The following MICAL3 variants were observed in gnomAD, a reference collection of about 807,000 sequenced individuals.
MICAL3 encodes [F-actin]-monooxygenase MICAL3.
A neutral mutation model predicts 207.4 loss-of-function variants in MICAL3; 62 were observed. That is an observed-to-expected ratio of 0.30 (90% confidence interval 0.24 to 0.37). The LOEUF is 0.37. Ranked by LOEUF, MICAL3 falls within the 10% of genes least tolerant of loss-of-function variation. The pLI is 1.00. For synonymous variants in MICAL3, 1,077 were observed against 1,069.3 expected, an observed-to-expected ratio of 1.01 and a Z score of -0.14; for missense variants, 2,368 against 2,635.6, an observed-to-expected ratio of 0.90 and a Z score of 2.22.
chr22:17,936,375 T>A (rs1462452080), intron 1 of MICAL3, among the ~76,000 whole-genome samples: 1 of 151,926 alleles, frequency 6.6e-6, no homozygotes, highest in Non-Finnish European at 1.5e-5. Flanking sequence ...AACTGAACAA[T>A]GAGACCACTT....
chr22:17,804,176 G>T (rs1259795969), intron 29 of MICAL3, among the ~76,000 whole-genome samples: 1 of 152,164 alleles, frequency 6.6e-6, no homozygotes, highest in Admixed American at 6.5e-5. Context: ...AGAGGCTTTG[G>T]CTTTGCTGGG....
chr22:18,002,140 G>T (rs1923074110), intron 1 of MICAL3, among the ~76,000 whole-genome samples: 1 of 151,832 alleles, frequency 6.6e-6, no homozygotes, highest in African/African-American at 2.4e-5. Context: ...GGAAGTTGCA[G>T]TGAGCCGAGA....
rs1602103520 is a variant in MICAL3 at position 17,871,931 on chromosome 22, A to C, written c.2334T>G (p.Ser778Arg). Residue 778 changes from serine to arginine, a missense_variant, in exon 17 of 32, where the codon AGT becomes AGG. By Grantham distance (110) the Ser-to-Arg change is moderately radical. This residue lies in a region of MICAL3 where 1,770 missense variants were observed against 1,863.2 expected (regional missense o/e 0.95). Transcript: ENST00000441493. ...QKRVYVMERL[S>R]AEGKFFHRSC... is the part of the protein sequence containing the mutation. Reference sequence around the variant, plus strand: ...TCCGGTGGAAGAACTTGCCCTCGGCACTCAGCCTCTCCATCACGTAGACCC... The same window carrying C: ...TCCGGTGGAAGAACTTGCCCTCGGCCCTCAGCCTCTCCATCACGTAGACCC... 1 of 1,611,182 alleles carries C rather than the reference A, an allele frequency of 6.2e-7. No homozygotes were observed. Among genetic ancestry groups the C allele is most frequent in the Non-Finnish European group, 8.5e-7 (1 of 1,178,922 alleles).
At chr22:17,881,412 C>G in intron 16 of MICAL3, 2 of 833,932 alleles carry the variant, frequency 2.4e-6, no homozygotes, top group African/African-American at 3.4e-5. Context: ...CCCAGGGAGG[C>G]CTTTCCTTGC....
At chr22:18,023,900 T>C (rs1445673339) in intron 1 of MICAL3, among the ~76,000 whole-genome samples, 2 of 151,926 alleles carry the variant, frequency 1.3e-5, no homozygotes, top group African/African-American at 4.8e-5. Flanking sequence ...CTGGCTGTCC[T>C]GACACCTGGC....
chr22:17,861,404 G>A (rs564762523), intron 19 of MICAL3: 165 of 985,418 alleles, frequency 1.7e-4, no homozygotes, highest in South Asian at 3.8e-4. Context: ...GCTTCTCCCC[G>A]TCCATCTCTG....
intron 1 of MICAL3, among the ~76,000 whole-genome samples, chr22:17,985,035 G>A (rs1337053482): frequency 1.3e-5 from 2 of 152,206 alleles, no homozygotes; most frequent in African/African-American, 4.8e-5. Context: ...ACGGAGGGAA[G>A]GAGACACACT....
At chr22:17,835,750 G>A (rs1191573741) in intron 20 of MICAL3, among the ~76,000 whole-genome samples, 1 of 152,208 alleles carries the variant, frequency 6.6e-6, no homozygotes, top group Non-Finnish European at 1.5e-5. Flanking sequence ...CTCCTCACAG[G>A]ATCTGTTTTG....
intron 27 of MICAL3, among the ~76,000 whole-genome samples, chr22:17,811,818 C>T (rs2062051223): frequency 6.6e-6 from 1 of 152,218 alleles, no homozygotes. Context: ...GATCATGGCT[C>T]ACTGCAGCTT....
chr22:17,914,050 G>C (rs1366404952), intron 1 of MICAL3, among the ~76,000 whole-genome samples: 1 of 152,204 alleles, frequency 6.6e-6, no homozygotes. Context: ...GCCAGGAACA[G>C]AGCAAGGACC....
intron 16 of MICAL3, chr22:17,875,283 C>A: frequency 2.3e-6 from 1 of 443,354 alleles, no homozygotes; most frequent in Non-Finnish European, 4.0e-6. Flanking sequence ...AGACCTCACA[C>A]ACGAGACCGA....
intron 1 of MICAL3, among the ~76,000 whole-genome samples, chr22:17,979,455 G>C (rs993535352): frequency 6.6e-6 from 1 of 152,158 alleles, no homozygotes; most frequent in African/African-American, 2.4e-5. Context: ...TGAGGCAGGA[G>C]AATCACTTGA....
At chr22:17,953,152 G>A (rs1934431437) in intron 1 of MICAL3, among the ~76,000 whole-genome samples, 2 of 152,218 alleles carry the variant, frequency 1.3e-5, no homozygotes, top group South Asian at 4.1e-4. Context: ...CGATCAGAGT[G>A]AGGCATCTCT....
intron 19 of MICAL3, among the ~76,000 whole-genome samples, chr22:17,858,785 T>C (rs1926201916): frequency 1.3e-5 from 2 of 152,228 alleles, no homozygotes; most frequent in Non-Finnish European, 2.9e-5. Context: ...CAGAATCACG[T>C]TGGGTGTCCC....
intron 19 of MICAL3, among the ~76,000 whole-genome samples, chr22:17,845,344 G>T (rs1301666281): frequency 6.6e-6 from 1 of 152,156 alleles, no homozygotes; most frequent in Non-Finnish European, 1.5e-5. Flanking sequence ...CGTGGGGAAC[G>T]CATACTGTCT....
intron 19 of MICAL3, among the ~76,000 whole-genome samples, chr22:17,848,104 A>G (rs750447389): frequency 4.6e-5 from 7 of 151,842 alleles, no homozygotes; most frequent in Non-Finnish European, 1.0e-4. Context: ...AGGAAGAGAA[A>G]TGTGAAGAAA....
rs1770146300 is a variant in MICAL3, at chr22:17,902,094, T to C, written c.590-115A>G. On this transcript the variant is annotated intron_variant, in intron 4 of 31. Coordinates refer to ENST00000441493, the MANE Select transcript of MICAL3 (RefSeq NM_015241.3). The surrounding 1 kb of genome is among the most constrained non-coding windows in gnomAD (Gnocchi z 4.5). Reference sequence around the variant, plus strand: ...ACAAAACCCTGGGCCAAAAACACTATGTGTAGAAGCAGTGGAGACAGAGGC... The same window carrying C: ...ACAAAACCCTGGGCCAAAAACACTACGTGTAGAAGCAGTGGAGACAGAGGC... 4 of 703,532 alleles carry C rather than the reference T, an allele frequency of 5.7e-6. No homozygotes were observed. Among genetic ancestry groups the C allele is most frequent in the Non-Finnish European group, 9.7e-6 (4 of 411,208 alleles). 43.6% of individuals were successfully genotyped at this position (703,532 alleles called of 1,614,324 possible). A position where few individuals can be genotyped will look rare whatever the true frequency, so the allele number is the denominator to read the frequency against.
At chr22:17,965,178 G>A (rs1347378087) in intron 1 of MICAL3, among the ~76,000 whole-genome samples, 13 of 101,870 alleles carry the variant, frequency 1.3e-4, no homozygotes, top group African/African-American at 3.8e-4. Flanking sequence ...GTGAGACCCC[G>A]TCTCCAAAAA....
At chr22:17,834,156 C>G (rs535768836) in intron 20 of MICAL3, among the ~76,000 whole-genome samples, 2 of 152,304 alleles carry the variant, frequency 1.3e-5, no homozygotes, top group East Asian at 3.9e-4. Context: ...CTGTGCCACA[C>G]CAGCTCTGCT....
Sources: allele counts gnomAD v4.1 joint callset (sites outside exome capture counted in the v4.1 genomes callset), GRCh38; gene constraint gnomAD v4.1.1; regional missense constraint gnomAD v4.1.1; non-coding constraint Gnocchi (gnomAD v3.1); transcripts MANE v1.5; gene names NCBI Gene and HGNC (gene_info 2026-07-23, HGNC 2026-07-21).